Variants in PRR14L observed in about 807,000 individuals in gnomAD.
PRR14L encodes protein PRR14L.
PRR14L carries 80 observed loss-of-function variants against 155.0 expected under a neutral mutation model. That is an observed-to-expected ratio of 0.52 (90% CI 0.43 to 0.62). The LOEUF (loss-of-function observed/expected upper bound fraction) is 0.62. Ranked by LOEUF, PRR14L falls within the 20% of genes least tolerant of loss-of-function variation. The probability of loss-of-function intolerance (pLI) is 0.00; values close to 1 mark genes in which losing one functional copy is unlikely to be tolerated. For missense variants in PRR14L, 2,469 were observed against 2,548.0 expected (o/e 0.97, Z 0.67); for synonymous variants, 883 against 916.0 (o/e 0.96, Z 0.65).
chr22:31,738,513 G>A lies in PRR14L; in HGVS notation c.348C>T (p.Ser116=), dbSNP rs898275759. Residue 116 remains serine, a synonymous_variant, in exon 2 of 9, where the codon AGC becomes AGT. Transcript: ENST00000327423. ...GATCTCTGAAGACCTTTGGCTCCATGCTCTCGCTTCTCTTTGCCCTATCCA... is the reference window on the plus strand; with the variant it reads ...GATCTCTGAAGACCTTTGGCTCCATACTCTCGCTTCTCTTTGCCCTATCCA... The part of the protein sequence containing the change: ...GILDRAKRSE[S]MEPKVFRDPG... 3.1e-5 allele frequency: 48 copies of A among 1,551,870 alleles called. No individual in the cohort carries two copies. The highest frequency in any genetic ancestry group is 4.0e-5 in the Non-Finnish European group (46 of 1,147,080).
chr22:31,732,988 CTT>C (rs131247), intron 2 of PRR14L, among the ~76,000 whole-genome samples: 30 of 140,660 alleles, frequency 2.1e-4, no homozygotes, highest in Admixed American at 3.6e-4. Flanking sequence ...AGAAGTGTAT[CTT>C]TTTTTTTTTT....
chr22:31,688,108 C>T, intron 8 of PRR14L, 48 bp downstream of exon 8: 1 of 1,538,048 alleles, frequency 6.5e-7, no homozygotes, highest in Non-Finnish European at 8.9e-7. Context: ...AGATTCACAT[C>T]AATCATTTCA....
chr22:31,732,022 T>A (rs966778978), intron 2 of PRR14L, among the ~76,000 whole-genome samples: 2 of 152,212 alleles, frequency 1.3e-5, no homozygotes, highest in African/African-American at 4.8e-5. Flanking sequence ...CTTACAGAAG[T>A]GCCAGTTTCT....
intron 1 of PRR14L, among the ~76,000 whole-genome samples, chr22:31,742,549 T>C (rs772760358): frequency 6.6e-6 from 1 of 152,144 alleles, no homozygotes; most frequent in Non-Finnish European, 1.5e-5. Flanking sequence ...GTATTTTTAG[T>C]AGAGACGGGG....
chr22:31,729,508 C>T (rs568446973), intron 2 of PRR14L, among the ~76,000 whole-genome samples: 2 of 152,312 alleles, frequency 1.3e-5, no homozygotes, highest in South Asian at 2.1e-4. Flanking sequence ...TGAGCCACCA[C>T]GCCCGGCCTA....
chr22:31,708,883 A>C (rs2074605925), intron 4 of PRR14L, among the ~76,000 whole-genome samples: 2 of 151,492 alleles, frequency 1.3e-5, no homozygotes, highest in South Asian at 4.2e-4. Flanking sequence ...CTGGAGTGCA[A>C]TGGTGCAATC....
rs1412772941 is a variant in PRR14L, at chr22:31,701,644, G to C, written c.6107+12C>G. ...AAAAGTGAACCTAGCTTGTAACAGAGAAGGAGCTCACCTTTTGGGTCGAGG... is the reference window on the plus strand; with the variant it reads ...AAAAGTGAACCTAGCTTGTAACAGACAAGGAGCTCACCTTTTGGGTCGAGG... On this transcript the variant is annotated intron_variant, in intron 7 of 8. Transcript: ENST00000327423. The C allele has an allele frequency of 6.4e-7, 1 of 1,570,208 alleles. No homozygotes were observed. The highest frequency in any genetic ancestry group is 1.8e-5 in the Admixed American group (1 of 54,768).
At chr22:31,706,428 C>CTTTT (rs771902267) in intron 4 of PRR14L, among the ~76,000 whole-genome samples, 14 of 142,206 alleles carry the variant, frequency 9.8e-5, no homozygotes, top group African/African-American at 1.4e-4. Flanking sequence ...TAAACTCTTC[C>CTTTT]TTTTTCTTTT....
Position 31,716,678 on chromosome 22 carries a change from A to G in PRR14L, c.1161T>C (p.Asp387=). 1 of 1,551,984 alleles carries G rather than the reference A, an allele frequency of 6.4e-7. No individual in the cohort carries two copies. Among genetic ancestry groups the G allele is most frequent in the Non-Finnish European group, 8.7e-7 (1 of 1,147,078 alleles). ...TDSSYFYRGD[D]QGKNLASREE... ...CTCTAGAAGCCAAGTTCTTCCCTTG[A>G]TCATCCCCCCTATAAAAATAAGAAC... The change falls in exon 4 of 9, where the codon GAT becomes GAC. Residue 387 remains aspartate, a synonymous_variant. Transcript: ENST00000327423.
intron 3 of PRR14L, among the ~76,000 whole-genome samples, chr22:31,722,993 A>G (rs1324719856): frequency 6.6e-6 from 1 of 152,142 alleles, no homozygotes; most frequent in Non-Finnish European, 1.5e-5. Context: ...AGGGCTCAAC[A>G]TCTTCACAGG....
chr22:31,706,150 G>T (rs890995303), intron 4 of PRR14L, among the ~76,000 whole-genome samples: 1 of 151,850 alleles, frequency 6.6e-6, no homozygotes, highest in Non-Finnish European at 1.5e-5. Flanking sequence ...TGGCCAACAC[G>T]ATGAAACCCT....
intron 7 of PRR14L, among the ~76,000 whole-genome samples, chr22:31,698,875 T>C (rs1440882428): frequency 1.3e-5 from 2 of 149,578 alleles, no homozygotes; most frequent in Non-Finnish European, 3.0e-5. Context: ...TGAGCCGAGA[T>C]CGTGCCACTG....
chr22:31,698,884 T>C (rs1180999598), intron 7 of PRR14L, among the ~76,000 whole-genome samples: 1 of 150,446 alleles, frequency 6.6e-6, no homozygotes, highest in South Asian at 2.1e-4. Flanking sequence ...ATCGTGCCAC[T>C]GCACTCTAGC....
intron 2 of PRR14L, among the ~76,000 whole-genome samples, chr22:31,734,410 T>C (rs1189387772): frequency 6.6e-6 from 1 of 152,240 alleles, no homozygotes; most frequent in Non-Finnish European, 1.5e-5. Flanking sequence ...CTTTTGACTG[T>C]GGGATATTTT....
chr22:31,714,446 T>G lies in PRR14L; in HGVS notation c.3393A>C (p.Ser1131=). 1.3e-6 allele frequency: 2 copies of G among 1,551,740 alleles called. No homozygotes were observed. Among genetic ancestry groups the G allele is most frequent in the Non-Finnish European group, 8.7e-7 (1 of 1,146,988 alleles). ...STVDFLKIKK[S]CEENVCRSLK... is the part of the protein sequence containing the mutation. ...AAGATCTGCATACGTTTTCTTCACA[T>G]GATTTTTTTATTTTGAGAAAGTCCA... The change falls in exon 4 of 9, where the codon TCA becomes TCC. Residue 1131 remains serine (S), a synonymous_variant. Coordinates refer to ENST00000327423, the MANE Select transcript of PRR14L (RefSeq NM_173566.3).
Position 31,683,320 on chromosome 22 carries a change from T to A in PRR14L, c.*2207A>T, listed in dbSNP as rs1302187455. On this transcript the variant is annotated 3_prime_UTR_variant, in exon 9 of 9. Transcript: ENST00000327423. ...AGCCGCCACATCACTGCATCTATAC[T>A]GGCAACAGAGCTGGCAAACAGGGCT... is the stretch of plus-strand genomic sequence containing the variant. 1.3e-5 allele frequency: 2 copies of A among 152,262 alleles called. No homozygotes were observed. The highest frequency in any genetic ancestry group is 2.9e-5 in the Non-Finnish European group (2 of 68,074). The allele number at this position is 152,262 out of a possible 1,614,324, so 9.4% of individuals were successfully genotyped here. A position where few individuals can be genotyped will look rare whatever the true frequency, so the allele number is the denominator to read the frequency against.
intron 1 of PRR14L, among the ~76,000 whole-genome samples, chr22:31,746,941 TG>T (rs1295013991): frequency 2.1e-5 from 3 of 144,732 alleles, no homozygotes; most frequent in African/African-American, 7.8e-5. Context: ...GGACTACAGG[TG>T]CCCGCCACCA....
chr22:31,709,865 C>T (rs998179845), intron 4 of PRR14L, among the ~76,000 whole-genome samples: 2 of 150,338 alleles, frequency 1.3e-5, no homozygotes, highest in Admixed American at 6.6e-5. Flanking sequence ...GATCTCTTGA[C>T]CTCGTGATCT....
At chr22:31,706,982 G>A (rs1388190543) in intron 4 of PRR14L, among the ~76,000 whole-genome samples, 2 of 151,918 alleles carry the variant, frequency 1.3e-5, no homozygotes, top group Non-Finnish European at 1.5e-5. Context: ...CCGGGAGGTG[G>A]AGGTTGCAGT....
Sources: gnomAD v4.1 joint callset for allele counts (sites outside exome capture counted in the v4.1 genomes callset) on GRCh38, gnomAD v4.1.1 for gene constraint, MANE v1.5 for transcripts, NCBI Gene and HGNC (gene_info 2026-07-23, HGNC 2026-07-21) for gene names.